The following COL20A1 variants were observed in gnomAD, a reference collection of about 807,000 sequenced individuals.
COL20A1 encodes the protein collagen type XX alpha 1 chain.
A neutral mutation model predicts 152.9 loss-of-function variants in COL20A1; 164 were observed. The ratio of observed to expected loss-of-function variants is 1.07; its 90% CI spans 0.94 to 1.22. COL20A1 has a LOEUF of 1.22. Among genes scored for constraint, COL20A1 ranks in the 50% most tolerant of loss-of-function variants. The pLI is 0.00. For missense variants in COL20A1, 1,873 were observed against 1,744.8 expected (o/e 1.07, Z -1.31); for synonymous variants, 864 against 756.0 (o/e 1.14, Z -2.34).
chr20:63,327,758 C>T, intron 31 of COL20A1, 194 bp from the exon 32 acceptor site: 1 of 613,042 alleles, frequency 1.6e-6, no homozygotes, highest in Non-Finnish European at 2.9e-6. Context: ...AACCGAGCCT[C>T]TCACATGCCT....
At position 63,311,569 on chromosome 20, in the gene COL20A1, G is replaced by A; in HGVS notation, c.1539+30G>A. ...GCTGGGCCGGGGGGTGGCGGGGGAG[G>A]CAGAGGAGTGGGGCAGAGCGAGTGG... On this transcript the variant is annotated intron_variant, in intron 12 of 35. Coordinates refer to ENST00000358894, the MANE Select transcript of COL20A1 (RefSeq NM_020882.4). This position sits in a 1 kb window ranked among gnomAD's most constrained non-coding sequence, Gnocchi z 4.4. The A allele has an allele frequency of 1.9e-6, 3 of 1,609,010 alleles. No individual in the cohort carries two copies. The highest frequency in any genetic ancestry group is 2.5e-6 in the Non-Finnish European group (3 of 1,178,770).
Position 63,333,703 on chromosome 20 carries a change from T to G in COL20A1, c.*2987T>G. On this transcript the variant is annotated 3_prime_UTR_variant, in exon 36 of 36. Coordinates refer to ENST00000358894, the MANE Select transcript of COL20A1 (RefSeq NM_020882.4). Reference sequence around the variant, plus strand: ...GGAATGTGTAGCAGGAGGCAGGGGGTGCTGTGCCCGCAGGACCAGCAGGTG... The same window carrying G: ...GGAATGTGTAGCAGGAGGCAGGGGGGGCTGTGCCCGCAGGACCAGCAGGTG... The G allele has an allele frequency of 6.6e-6, 1 of 150,604 alleles. No homozygotes were observed. The highest frequency in any genetic ancestry group is 2.1e-4 in the South Asian group (1 of 4,710). The allele number at this position is 150,604 out of a possible 1,614,324, so 9.3% of individuals were successfully genotyped here. A position where few individuals can be genotyped will look rare whatever the true frequency, so the allele number is the denominator to read the frequency against.
chr20:63,306,146 G>A lies in COL20A1; in HGVS notation c.496+107G>A, dbSNP rs1341423722. 11 of 1,021,114 alleles carry A rather than the reference G, an allele frequency of 1.1e-5. No individual in the cohort carries two copies. The highest frequency in any genetic ancestry group is 1.6e-5 in the African/African-American group (1 of 61,716). The allele number at this position is 1,021,114 out of a possible 1,614,324, so 63.3% of individuals were successfully genotyped here. On this transcript the variant is annotated intron_variant, in intron 5 of 35. Transcript: ENST00000358894. This position sits in a 1 kb window ranked among gnomAD's most constrained non-coding sequence, Gnocchi z 6.9. Reference sequence around the variant, plus strand: ...AGTTCTTCCTCGTGTCTGACCACACGGTCTCTGACCACGAGGCCAGGAAGT... The same window carrying A: ...AGTTCTTCCTCGTGTCTGACCACACAGTCTCTGACCACGAGGCCAGGAAGT...
Position 63,305,370 on chromosome 20 carries a change from C to T in COL20A1, c.194-47C>T. 1.4e-6 allele frequency: 2 copies of T among 1,397,644 alleles called. No individual in the cohort carries two copies. The highest frequency in any genetic ancestry group is 1.9e-6 in the Non-Finnish European group (2 of 1,072,572). 86.6% of individuals were successfully genotyped at this position (1,397,644 alleles called of 1,614,324 possible). A position where few individuals can be genotyped will look rare whatever the true frequency, so the allele number is the denominator to read the frequency against. ...TTCACTCCCCGCCGTGACAGATGCA[C>T]ACACGTGTGCACCTTGGCCTCTAAA... On this transcript the variant is annotated intron_variant, in intron 3 of 35. Coordinates refer to ENST00000358894, the MANE Select transcript of COL20A1 (RefSeq NM_020882.4). This position sits in a 1 kb window ranked among gnomAD's most constrained non-coding sequence, Gnocchi z 4.9.
At chr20:63,303,074 T>G (rs2067879790) in intron 3 of COL20A1, among the ~76,000 whole-genome samples, 1 of 152,200 alleles carries the variant, frequency 6.6e-6, no homozygotes, top group Non-Finnish European at 1.5e-5. Flanking sequence ...GATTCTATAT[T>G]CTTTTACCCT....
At chr20:63,299,975 G>A (rs1347059875) in intron 3 of COL20A1, among the ~76,000 whole-genome samples, 1 of 151,824 alleles carries the variant, frequency 6.6e-6, no homozygotes, top group Non-Finnish European at 1.5e-5. Flanking sequence ...CAGTGCAGTG[G>A]CACAGTCATA....
At chr20:63,327,284 C>G (rs1197085502) in intron 31 of COL20A1, 2 of 180,396 alleles carry the variant, frequency 1.1e-5, no homozygotes, top group Non-Finnish European at 2.3e-5. Context: ...CTATTGACCA[C>G]TCAGGGACTT....
rs1329658666 is a variant in COL20A1, at chr20:63,329,498, G to A, written c.3782-87G>A. The A allele has an allele frequency of 4.0e-6, 4 of 1,004,420 alleles. No individual in the cohort carries two copies. In the African/African-American group the frequency reaches 7.7e-5, roughly 19 times the overall value. The allele number at this position is 1,004,420 out of a possible 1,614,324, so 62.2% of individuals were successfully genotyped here. A position where few individuals can be genotyped will look rare whatever the true frequency, so the allele number is the denominator to read the frequency against. Reference sequence around the variant, plus strand: ...CAGACCTGCTGCCTGTGCCCAGGGAGGGGCCCTGACACCCTCTGTCCCCGT... The same window carrying A: ...CAGACCTGCTGCCTGTGCCCAGGGAAGGGCCCTGACACCCTCTGTCCCCGT... On this transcript the variant is annotated intron_variant, in intron 34 of 35. Transcript: ENST00000358894.
chr20:63,327,939 CCCT>C lies in COL20A1; in HGVS notation c.3529-8_3529-6del, dbSNP rs528662163. 563 of 1,591,628 alleles carry C rather than the reference CCCT, an allele frequency of 3.5e-4. 6 individuals carry two copies. The South Asian group carries it at 6.0e-3, about 17-fold the overall frequency. Reference sequence around the variant, plus strand: ...ATCTCTGCTGACTTCTTTTCTCTTCCCCTCCTCATCAGGGACTGCCAGGGCCCA... The same window carrying C: ...ATCTCTGCTGACTTCTTTTCTCTTCCCCTCATCAGGGACTGCCAGGGCCCA... On this transcript the variant is annotated splice_polypyrimidine_tract_variant and intron_variant, in intron 31 of 35. Transcript: ENST00000358894.
Position 63,307,648 on chromosome 20 carries a change from G to C in COL20A1, c.655G>C (p.Gly219Arg). ...AATCGGGCCGGATAAGGTCCAAGTA[G>C]GTGGGTGCTGGCCCGGCCCGCCTCC... ...FEIGPDKVQV[G>R]LTQYSGDAQT... Residue 219 changes from glycine to arginine, a missense_variant and splice_region_variant, in exon 6 of 36, where the codon GGC becomes CGC. Physicochemically the swap from Gly to Arg is moderately radical, Grantham distance 125. Transcript: ENST00000358894. The C allele has an allele frequency of 6.2e-7, 1 of 1,611,480 alleles. No homozygotes were observed. Among genetic ancestry groups the C allele is most frequent in the Non-Finnish European group, 8.5e-7 (1 of 1,179,072 alleles).
chr20:63,315,745 C>T (rs1009285407), intron 20 of COL20A1, among the ~76,000 whole-genome samples: 2 of 152,140 alleles, frequency 1.3e-5, no homozygotes, highest in African/African-American at 4.8e-5. Flanking sequence ...CTGGGGGTTT[C>T]AAGTGCTGAG....
At position 63,325,678 on chromosome 20, in the gene COL20A1, G is replaced by A; in HGVS notation, c.3359G>A (p.Gly1120Asp). 1.2e-6 allele frequency: 2 copies of A among 1,610,700 alleles called. No individual in the cohort carries two copies. Among genetic ancestry groups the A allele is most frequent in the Non-Finnish European group, 1.7e-6 (2 of 1,179,248 alleles). The change falls in exon 29 of 36, where the codon GGC (glycine) becomes GAC (aspartate). Residue 1120 changes from glycine to aspartate, a missense_variant. Gly to Asp is a moderately conservative substitution (Grantham distance 94). Coordinates refer to ENST00000358894, the MANE Select transcript of COL20A1 (RefSeq NM_020882.4). Reference protein sequence around the residue: ...HGLPGLQGHPGHQGIPGRVGL... With the variant: ...HGLPGLQGHPDHQGIPGRVGL... ...TCTGTTCTCTCCCAGGGCCACCCCGGCCACCAGGGCATCCCCGGGAGAGTT... is the reference window on the plus strand; with the variant it reads ...TCTGTTCTCTCCCAGGGCCACCCCGACCACCAGGGCATCCCCGGGAGAGTT...
At position 63,313,859 on chromosome 20, in the gene COL20A1, G is replaced by GC; in HGVS notation, c.2331dup (p.Ala778ArgfsTer44). On this transcript the variant is annotated frameshift_variant, in exon 18 of 36. Coordinates refer to ENST00000358894, the MANE Select transcript of COL20A1 (RefSeq NM_020882.4). LOFTEE classifies it high-confidence loss of function. The surrounding 1 kb of genome is among the most constrained non-coding windows in gnomAD (Gnocchi z 5.9). ...CGTGCTCCATTACTGGCTCACCTAC[G>GC]CCCCCGCCTCTGGCTTGGGACCCGA... 7.5e-6 allele frequency: 12 copies of GC among 1,607,296 alleles called. No individual in the cohort carries two copies. The highest frequency in any genetic ancestry group is 1.0e-5 in the Non-Finnish European group (12 of 1,176,804).
At chr20:63,297,627 T>G (rs1214267037) in intron 2 of COL20A1, among the ~76,000 whole-genome samples, 1 of 152,214 alleles carries the variant, frequency 6.6e-6, no homozygotes, top group East Asian at 1.9e-4. Context: ...GGGGCCTCCC[T>G]GGGTGGGACT....
Position 63,311,556 on chromosome 20 carries a change from G to C in COL20A1, c.1539+17G>C. 1 of 1,604,706 alleles carries C rather than the reference G, an allele frequency of 6.2e-7. No homozygotes were observed. On this transcript the variant is annotated intron_variant, in intron 12 of 35. Coordinates refer to ENST00000358894, the MANE Select transcript of COL20A1 (RefSeq NM_020882.4). The surrounding 1 kb of genome is among the most constrained non-coding windows in gnomAD (Gnocchi z 4.4). Reference sequence around the variant, plus strand: ...GAGCGAGAGGTGAGCTGGGCCGGGGGGTGGCGGGGGAGGCAGAGGAGTGGG... The same window carrying C: ...GAGCGAGAGGTGAGCTGGGCCGGGGCGTGGCGGGGGAGGCAGAGGAGTGGG...
chr20:63,319,073 C>A lies in COL20A1; in HGVS notation c.2679C>A (p.Ala893=). Residue 893 remains alanine (A), a synonymous_variant, in exon 22 of 36, where the codon GCC becomes GCA. Coordinates refer to ENST00000358894, the MANE Select transcript of COL20A1 (RefSeq NM_020882.4). This position sits in a 1 kb window ranked among gnomAD's most constrained non-coding sequence, Gnocchi z 4.4. ...LTRRVSDVYP[A]PLPPEHTIVF... ...ACCCCCACAGTGACGTCTACCCAGCCCCCCTACCTCCAGAGCACACCATCG... is the reference window on the plus strand; with the variant it reads ...ACCCCCACAGTGACGTCTACCCAGCACCCCTACCTCCAGAGCACACCATCG... 1 of 1,612,314 alleles carries A rather than the reference C, an allele frequency of 6.2e-7. No individual in the cohort carries two copies. The highest frequency in any genetic ancestry group is 8.5e-7 in the Non-Finnish European group (1 of 1,178,816).
In COL20A1 at chr20:63,309,298, G is replaced by T. The variant is rs746874173; in HGVS notation, c.941-35G>T. On this transcript the variant is annotated intron_variant, in intron 8 of 35. Coordinates refer to ENST00000358894, the MANE Select transcript of COL20A1 (RefSeq NM_020882.4). ...CAGGTGGCCCCGTCGGGTGACCCCA[G>T]TGCAGGCCAACCCCACCTCCCTCCT... 5 of 1,417,996 alleles carry T rather than the reference G, an allele frequency of 3.5e-6. No homozygotes were observed. In the Admixed American group the frequency reaches 1.1e-4, roughly 31 times the overall value. 87.8% of individuals were successfully genotyped at this position (1,417,996 alleles called of 1,614,324 possible). A position where few individuals can be genotyped will look rare whatever the true frequency, so the allele number is the denominator to read the frequency against.
chr20:63,318,999 G>A (rs1270299107), intron 21 of COL20A1, 59 bp from the exon 22 acceptor site: 2 of 1,422,450 alleles, frequency 1.4e-6, no homozygotes, highest in East Asian at 4.6e-5. Context: ...GGATCGTTCT[G>A]CCAGGTTTGG....
In COL20A1 at chr20:63,314,216, A is replaced by G. The variant is rs1046569094; in HGVS notation, c.2488+15A>G. ...GGGCCAGACAGGTGAGTGGGCACCAAGACCCCAGACCCAGGTAGACCCAGC... is the reference window on the plus strand; with the variant it reads ...GGGCCAGACAGGTGAGTGGGCACCAGGACCCCAGACCCAGGTAGACCCAGC... On this transcript the variant is annotated intron_variant, in intron 19 of 35. Coordinates refer to ENST00000358894, the MANE Select transcript of COL20A1 (RefSeq NM_020882.4). 1.3e-6 allele frequency: 2 copies of G among 1,551,086 alleles called. No homozygotes were observed. The highest frequency in any genetic ancestry group is 3.9e-5 in the Admixed American group (2 of 51,062).
Sources: allele counts gnomAD v4.1 joint callset (sites outside exome capture counted in the v4.1 genomes callset), GRCh38; gene constraint gnomAD v4.1.1; non-coding constraint Gnocchi (gnomAD v3.1); transcripts MANE v1.5; gene names NCBI Gene and HGNC (gene_info 2026-07-23, HGNC 2026-07-21).